Variants in TRANK1 observed in about 807,000 individuals in gnomAD.
TRANK1 encodes the protein TPR and ankyrin repeat-containing protein 1.
Under a neutral mutation model 266.0 loss-of-function variants are expected in TRANK1, and 198 were observed. The ratio of observed to expected loss-of-function variants is 0.74; its 90% CI spans 0.66 to 0.84. The LOEUF is 0.84. TRANK1 is among the 40% of genes least tolerant of loss of function. The pLI is 0.00. For synonymous variants in TRANK1, 1,396 were observed against 1,384.1 expected (o/e 1.01, Z -0.19); for missense variants, 3,326 against 3,634.6 (o/e 0.92, Z 2.18).
Position 36,832,075 on chromosome 3 carries a change from A to C in TRANK1, c.7508T>G (p.Val2503Gly). Reference protein sequence around the residue: ...FSKKDKELGDVFSIIQEYKPK... With the variant: ...FSKKDKELGDGFSIIQEYKPK... Reference sequence around the variant, plus strand: ...TTTGTATTCCTGAATGATGGAGAACACATCCCCAAGCTCCTTGTCCTTCTT... The same window carrying C: ...TTTGTATTCCTGAATGATGGAGAACCCATCCCCAAGCTCCTTGTCCTTCTT... Residue 2503 changes from valine (V) to glycine (G), a missense_variant, in exon 22 of 24, where the codon GTG becomes GGG. Physicochemically the swap from Val to Gly is moderately radical, Grantham distance 109. Transcript: ENST00000645898. The C allele has an allele frequency of 6.2e-7, 1 of 1,614,038 alleles. No homozygotes were observed. Among genetic ancestry groups the C allele is most frequent in the Non-Finnish European group, 8.5e-7 (1 of 1,179,904 alleles).
chr3:36,841,023 G>A (rs144067435), intron 18 of TRANK1, among the ~76,000 whole-genome samples: 6 of 152,310 alleles, frequency 3.9e-5, no homozygotes, highest in Non-Finnish European at 7.3e-5. Flanking sequence ...TCGAAGAACT[G>A]GAGCTGAGAA....
rs568754213 is a variant in TRANK1 at position 36,928,026 on chromosome 3, T to G, written c.23+16761A>C. On this transcript the variant is annotated intron_variant, in intron 1 of 23. Coordinates refer to ENST00000645898, the MANE Select transcript of TRANK1 (RefSeq NM_001329998.2). ...ATATAGAATGTGGGGTCACAGGTTG[T>G]GATGAGCAAACCCAGCCCATATCTC... is the stretch of plus-strand genomic sequence containing the variant. Among the ~76,000 whole-genome samples the G allele has an allele frequency of 4.6e-5, 7 of 152,346 alleles. No homozygotes were observed. The South Asian group carries it at 1.2e-3, about 27-fold the overall frequency.
At chr3:36,847,722 C>T (rs893272207) in intron 15 of TRANK1, among the ~76,000 whole-genome samples, 1 of 152,136 alleles carries the variant, frequency 6.6e-6, no homozygotes, top group Non-Finnish European at 1.5e-5. Context: ...TAGGGTCAGC[C>T]GTTAAGATAC....
At chr3:36,935,374 T>C (rs2080410757) in intron 1 of TRANK1, among the ~76,000 whole-genome samples, 1 of 152,030 alleles carries the variant, frequency 6.6e-6, no homozygotes, top group South Asian at 2.1e-4. Flanking sequence ...TTTGGGGCAC[T>C]GTGCTGGTCT....
intron 1 of TRANK1, 106 bp downstream of exon 1, chr3:36,944,681 C>CTAG: frequency 7.4e-7 from 1 of 1,353,742 alleles, no homozygotes; most frequent in Non-Finnish European, 9.9e-7. Flanking sequence ...CCCGTTCGGC[C>CTAG]GCTACCTCAG....
At chr3:36,923,446 G>C (rs929393573) in intron 1 of TRANK1, among the ~76,000 whole-genome samples, 9 of 151,950 alleles carry the variant, frequency 5.9e-5, no homozygotes, top group African/African-American at 1.9e-4. Flanking sequence ...AGTATAGACG[G>C]GGTTTCACCA....
chr3:36,859,576 C>T (rs1243478223), intron 11 of TRANK1, among the ~76,000 whole-genome samples: 2 of 152,102 alleles, frequency 1.3e-5, no homozygotes, highest in Admixed American at 6.6e-5. Flanking sequence ...CATCTCTCCA[C>T]CCGAAATCAC....
chr3:36,834,008 A>T (rs2078734615), intron 21 of TRANK1, 89 bp from the exon 22 acceptor site: 3 of 1,301,084 alleles, frequency 2.3e-6, no homozygotes, highest in Middle Eastern at 1.9e-4. Flanking sequence ...CAACTTAAAT[A>T]AAACTCCCAC....
intron 8 of TRANK1, among the ~76,000 whole-genome samples, chr3:36,877,473 T>C (rs375161470): frequency 1.3e-5 from 2 of 152,214 alleles, no homozygotes; most frequent in Non-Finnish European, 2.9e-5. Flanking sequence ...ATCCTATAGA[T>C]GCAACCCCAC....
At chr3:36,842,795 C>A in intron 17 of TRANK1, 85 bp from the exon 18 acceptor site, 1 of 1,163,532 alleles carries the variant, frequency 8.6e-7, no homozygotes. Context: ...GCATCTCCTC[C>A]GCCAGCCATC....
chr3:36,931,829 A>G (rs2080364479), intron 1 of TRANK1, among the ~76,000 whole-genome samples: 1 of 152,242 alleles, frequency 6.6e-6, no homozygotes, highest in African/African-American at 2.4e-5. Flanking sequence ...TGGGAGGATC[A>G]CTTAAGTTTA....
intron 8 of TRANK1, among the ~76,000 whole-genome samples, chr3:36,879,420 A>G: frequency 6.6e-6 from 1 of 151,214 alleles, no homozygotes; most frequent in African/African-American, 2.4e-5. Flanking sequence ...GATGAAAAAA[A>G]ACAACAAACC....
rs745949347 is a variant in TRANK1, at chr3:36,831,068, C to A, written c.8515G>T (p.Glu2839Ter). 1 of 1,614,012 alleles carries A rather than the reference C, an allele frequency of 6.2e-7. No individual in the cohort carries two copies. The highest frequency in any genetic ancestry group is 1.7e-5 in the Admixed American group (1 of 60,022). The change falls in exon 22 of 24, where the codon GAA becomes TAA. Residue 2839 changes from glutamate to a stop codon, truncating the protein, a stop_gained. Transcript: ENST00000645898. LOFTEE classifies it high-confidence loss of function. The surrounding 1 kb of genome is among the most constrained non-coding windows in gnomAD (Gnocchi z 5.0). ...GGGTCCACCTTCTCGTGGAAAAATT[C>A]TGAGTATTTCTGGTAGGCCACTTGC... ...RQQVAYQKYS[E>*]FFHEKVDPAI...
chr3:36,907,459 A>ATTTTTTTTTTTTT, intron 2 of TRANK1, among the ~76,000 whole-genome samples: 1 of 104,350 alleles, frequency 9.6e-6, no homozygotes, highest in Non-Finnish European at 1.9e-5. Context: ...AAATTTATTG[A>ATTTTTTTTTTTTT]TTTTTTTTTT....
At chr3:36,883,137 A>G (rs2079553855) in intron 8 of TRANK1, among the ~76,000 whole-genome samples, 2 of 152,260 alleles carry the variant, frequency 1.3e-5, no homozygotes, top group South Asian at 4.2e-4. Context: ...TTTCCAGGAC[A>G]TACTCTCAGT....
intron 9 of TRANK1, among the ~76,000 whole-genome samples, chr3:36,866,208 T>C (rs1432971310): frequency 6.6e-6 from 1 of 152,052 alleles, no homozygotes; most frequent in African/African-American, 2.4e-5. Flanking sequence ...ACTGAACAGA[T>C]AAGAGAGCAG....
At chr3:36,943,616 A>C (rs113070837) in intron 1 of TRANK1, among the ~76,000 whole-genome samples, 84 of 150,622 alleles carry the variant, frequency 5.6e-4, no homozygotes, top group African/African-American at 2.0e-3. Context: ...CCGCCCTCCA[A>C]CACACACACA....
intron 1 of TRANK1, among the ~76,000 whole-genome samples, chr3:36,943,609 C>A (rs867068944): frequency 6.6e-6 from 1 of 151,046 alleles, no homozygotes; most frequent in Non-Finnish European, 1.5e-5. Context: ...ACCGTCCCCG[C>A]CCTCCAACAC....
intron 15 of TRANK1, chr3:36,850,878 C>T (rs1022596870): frequency 1.0e-6 from 1 of 985,320 alleles, no homozygotes; most frequent in African/African-American, 1.7e-5. Context: ...AACATAGCCC[C>T]TTCAAGCATG....
Sources: gnomAD v4.1 joint callset for allele counts (sites outside exome capture counted in the v4.1 genomes callset) on GRCh38, gnomAD v4.1.1 for gene constraint, Gnocchi (gnomAD v3.1) non-coding constraint, MANE v1.5 for transcripts, NCBI Gene and HGNC (gene_info 2026-07-23, HGNC 2026-07-21) for gene names.